The following CELF2 variants were observed in gnomAD, a reference collection of about 807,000 sequenced individuals.
CELF2 encodes CUG triplet repeat RNA-binding protein 2.
In CELF2, 8 loss-of-function variants were observed where a neutral mutation model predicts 62.6. That is an observed-to-expected ratio of 0.13 (90% CI 0.07 to 0.23). The LOEUF (loss-of-function observed/expected upper bound fraction) is 0.23. Among genes scored for constraint, CELF2 ranks in the 10% least tolerant of loss-of-function variants. The pLI, the probability that CELF2 is intolerant of heterozygous loss-of-function variation, is 1.00. For synonymous variants in CELF2, 258 were observed against 250.0 expected (o/e 1.03, Z -0.30); for missense variants, 333 against 671.0 (o/e 0.50, Z 5.56).
the CELF2 span, among the ~76,000 whole-genome samples, chr10:10,607,951 A>G: frequency 6.6e-6 from 1 of 151,518 alleles, no homozygotes; most frequent in Non-Finnish European, 1.5e-5. Flanking sequence ...ACATGGTAAA[A>G]CTCTGTCTCT....
the CELF2 span, among the ~76,000 whole-genome samples, chr10:10,537,013 T>TTGC: frequency 4.8e-3 from 729 of 152,098 alleles, 7 homozygotes; most frequent in Non-Finnish European, 3.9e-3. Context: ...CTGGATTCAC[T>TTGC]TGCTGCTGCT....
chr10:10,698,410 G>A, the CELF2 span, among the ~76,000 whole-genome samples: 1 of 152,104 alleles, frequency 6.6e-6, no homozygotes, highest in Non-Finnish European at 1.5e-5. Flanking sequence ...CGGGATACAA[G>A]GAGGATTAAT....
the CELF2 span, among the ~76,000 whole-genome samples, chr10:10,609,108 T>C: frequency 2.6e-5 from 4 of 152,182 alleles, no homozygotes; most frequent in Non-Finnish European, 5.9e-5. Context: ...ATCATTTTAG[T>C]GTAGGCAGTC....
chr10:10,834,649 G>A (rs1435761817), intron 1 of CELF2, among the ~76,000 whole-genome samples: 1 of 152,204 alleles, frequency 6.6e-6, no homozygotes, highest in Non-Finnish European at 1.5e-5. Flanking sequence ...CATCCTGCAA[G>A]TCAGACCCAA....
chr10:10,770,664 C>G, the CELF2 span, among the ~76,000 whole-genome samples: 4 of 152,214 alleles, frequency 2.6e-5, no homozygotes, highest in Middle Eastern at 3.4e-3. Flanking sequence ...CCCCACCCCC[C>G]ACTCCTCACC....
At chr10:10,508,723 A>T in the CELF2 span, among the ~76,000 whole-genome samples, 1 of 144,304 alleles carries the variant, frequency 6.9e-6, no homozygotes, top group Non-Finnish European at 1.5e-5. Flanking sequence ...TTTTTTTGAG[A>T]TGGAGTCTCG....
intron 1 of CELF2, among the ~76,000 whole-genome samples, chr10:10,906,598 AG>A (rs1303826493): frequency 6.6e-6 from 1 of 152,176 alleles, no homozygotes; most frequent in Non-Finnish European, 1.5e-5. Flanking sequence ...GTCACAATCC[AG>A]GGGGTTCTTA....
At chr10:11,151,258 C>T (rs1455227488) in intron 1 of CELF2, among the ~76,000 whole-genome samples, 2 of 152,180 alleles carry the variant, frequency 1.3e-5, no homozygotes, top group African/African-American at 4.8e-5. Flanking sequence ...TCCCTGGATT[C>T]AGCTTACCAC....
rs1268270747 is a variant in CELF2, at chr10:11,267,981, ACACT to A, written c.618+1308_618+1311del. ...CCTTTCAGTGCAATGCATTTTTAAG[ACACT>A]CACAACCCCCTACCTGAAGGCAAGC... On this transcript the variant is annotated intron_variant, in intron 6 of 12. Transcript: ENST00000633077. This position sits in a 1 kb window ranked among gnomAD's most constrained non-coding sequence, Gnocchi z 4.4. Among the ~76,000 whole-genome samples the A allele has an allele frequency of 4.6e-5, 7 of 152,140 alleles. No homozygotes were observed. Among genetic ancestry groups the A allele is most frequent in the South Asian group, 2.1e-4 (1 of 4,822 alleles).
rs1212503995 is a variant in CELF2 at position 11,306,215 on chromosome 10, T to C, written c.977-7924T>C. 6.6e-6 allele frequency among the ~76,000 whole-genome samples: 1 copy of C among 151,978 alleles called. No individual in the cohort carries two copies. Among genetic ancestry groups the C allele is most frequent in the Admixed American group, 6.6e-5 (1 of 15,252 alleles). On this transcript the variant is annotated intron_variant, in intron 9 of 12. Coordinates refer to ENST00000633077, the MANE Select transcript of CELF2 (RefSeq NM_001326342.2). This position sits in a 1 kb window ranked among gnomAD's most constrained non-coding sequence, Gnocchi z 4.4. Reference sequence around the variant, plus strand: ...CTGCTTGGATGGTGCAGCCTCTGCTTGAAGAGGTGTTCTGGGAGATTATGA... The same window carrying C: ...CTGCTTGGATGGTGCAGCCTCTGCTCGAAGAGGTGTTCTGGGAGATTATGA...
At chr10:10,808,186 G>A (rs773376823) in intron 1 of CELF2, among the ~76,000 whole-genome samples, 6 of 152,252 alleles carry the variant, frequency 3.9e-5, no homozygotes, top group African/African-American at 7.2e-5. Context: ...TATGACTGAC[G>A]ACATCACACT....
chr10:10,808,485 T>G (rs2055477668), intron 1 of CELF2, among the ~76,000 whole-genome samples: 1 of 152,194 alleles, frequency 6.6e-6, no homozygotes, highest in Non-Finnish European at 1.5e-5. Flanking sequence ...TTTGGTATCA[T>G]GAAGGCTTCA....
upstream of CELF2, among the ~76,000 whole-genome samples, chr10:10,798,073 C>A (rs569145148): frequency 5.9e-5 from 9 of 152,148 alleles, no homozygotes; most frequent in South Asian, 1.7e-3. Context: ...TTTAAAAACA[C>A]AAGAAAGCCA....
chr10:11,057,038 G>A (rs1488639347), intron 1 of CELF2, among the ~76,000 whole-genome samples: 1 of 152,190 alleles, frequency 6.6e-6, no homozygotes, highest in Non-Finnish European at 1.5e-5. Flanking sequence ...TGGTAGGTTG[G>A]AGGGGAGGCT....
chr10:10,823,948 GGATA>G (rs1395108802), intron 1 of CELF2, among the ~76,000 whole-genome samples: 1 of 151,868 alleles, frequency 6.6e-6, no homozygotes, highest in African/African-American at 2.4e-5. Context: ...ATGGATGAAT[GGATA>G]GATAGATCTA....
intron 3 of CELF2, among the ~76,000 whole-genome samples, chr10:11,234,093 G>A (rs1191251247): frequency 6.6e-6 from 1 of 152,228 alleles, no homozygotes; most frequent in African/African-American, 2.4e-5. Context: ...TGTCCCAGCT[G>A]TATGATACGA....
the CELF2 span, among the ~76,000 whole-genome samples, chr10:10,578,320 A>C: frequency 1.3e-5 from 2 of 151,844 alleles, no homozygotes; most frequent in Non-Finnish European, 2.9e-5. Context: ...TTGCCTGTTC[A>C]CTCTGATGGT....
chr10:10,602,147 CA>C, the CELF2 span, among the ~76,000 whole-genome samples: 1 of 152,104 alleles, frequency 6.6e-6, no homozygotes, highest in Non-Finnish European at 1.5e-5. Context: ...CACTGATGGG[CA>C]TTTGGGTTGA....
chr10:10,628,991 C>A, the CELF2 span, among the ~76,000 whole-genome samples: 3 of 151,870 alleles, frequency 2.0e-5, no homozygotes, highest in Non-Finnish European at 4.4e-5. Context: ...AGAAAAGGAC[C>A]CACATTGTTA....
Sources: allele counts gnomAD v4.1 joint callset (sites outside exome capture counted in the v4.1 genomes callset), GRCh38; gene constraint gnomAD v4.1.1; non-coding constraint Gnocchi (gnomAD v3.1); transcripts MANE v1.5; gene names NCBI Gene and HGNC (gene_info 2026-07-23, HGNC 2026-07-21).